RAPGEF2: variants seen among roughly 807,000 people sequenced by gnomAD.
RAPGEF2 encodes the protein PDZ domain containing guanine nucleotide exchange factor (GEF) 1.
In RAPGEF2, 54 loss-of-function variants were observed where a neutral mutation model predicts 186.7. The ratio of observed to expected loss-of-function variants is 0.29; its 90% CI spans 0.23 to 0.36. The LOEUF is 0.36. Ranked by LOEUF, RAPGEF2 falls within the 10% of genes least tolerant of loss-of-function variation. The pLI, the probability that RAPGEF2 is intolerant of heterozygous loss-of-function variation, is 1.00. For synonymous variants in RAPGEF2, 712 were observed against 705.9 expected (o/e 1.01, Z -0.14); for missense variants, 1,532 against 2,045.0 (o/e 0.75, Z 4.84).
intron 7 of RAPGEF2, among the ~76,000 whole-genome samples, chr4:159,256,701 G>C (rs1347700971): frequency 6.6e-6 from 1 of 152,166 alleles, no homozygotes; most frequent in South Asian, 2.1e-4. Context: ...AACCTCACAG[G>C]CATCTGTTGT....
chr4:159,188,869 C>T (rs1747823854), intron 2 of RAPGEF2, among the ~76,000 whole-genome samples: 2 of 152,136 alleles, frequency 1.3e-5, no homozygotes, highest in African/African-American at 4.8e-5. Flanking sequence ...TGTTTGTTGG[C>T]ATGAACCTAC....
At position 159,195,872 on chromosome 4, in the gene RAPGEF2, C is replaced by A. The variant is rs184286258; in HGVS notation, c.197+2616C>A. ...GTAGATTACAGTGTCTTCAAACATA[C>A]CTGTTTTTTTTTTTTTTTTTTTTTT... On this transcript the variant is annotated intron_variant, in intron 3 of 29. Transcript: ENST00000691494. 2.8e-3 allele frequency among the ~76,000 whole-genome samples: 335 copies of A among 121,734 alleles called. 10 individuals are homozygous for A. In the Admixed American group the frequency reaches 0.029, roughly 10 times the overall value. 79.9% of individuals were successfully genotyped at this position (121,734 alleles called of 152,430 possible). A position where few individuals can be genotyped will look rare whatever the true frequency, so the allele number is the denominator to read the frequency against.
chr4:159,206,588 C>T (rs1750016265), intron 3 of RAPGEF2, among the ~76,000 whole-genome samples: 1 of 152,124 alleles, frequency 6.6e-6, no homozygotes, highest in African/African-American at 2.4e-5. Flanking sequence ...CATGTAAAAA[C>T]CCTCCAGTGA....
At chr4:159,321,125 CA>C (rs1250450578) in intron 9 of RAPGEF2, among the ~76,000 whole-genome samples, 1 of 151,910 alleles carries the variant, frequency 6.6e-6, no homozygotes, top group East Asian at 1.9e-4. Context: ...GATGTACATA[CA>C]CCCTGTGCTC....
intron 1 of RAPGEF2, among the ~76,000 whole-genome samples, chr4:159,150,658 G>C (rs879261164): frequency 6.6e-6 from 1 of 152,240 alleles, no homozygotes; most frequent in Non-Finnish European, 1.5e-5. Flanking sequence ...CTGGAAATGT[G>C]TTTGTTGGAC....
chr4:159,261,430 A>G (rs1756864913), intron 7 of RAPGEF2, among the ~76,000 whole-genome samples: 2 of 152,344 alleles, frequency 1.3e-5, no homozygotes, highest in Admixed American at 1.3e-4. Flanking sequence ...ATTATAGGAA[A>G]GGGCTAATTA....
At position 159,341,964 on chromosome 4, in the gene RAPGEF2, T is replaced by G. The variant is rs751337062; in HGVS notation, c.2918+17T>G. ...AATCATCAGGTAAGAGAGCACATTT[T>G]TTCTTAAGATTCAGTTCAGTTCACA... On this transcript the variant is annotated intron_variant, in intron 20 of 29. Transcript: ENST00000691494. The G allele has an allele frequency of 6.4e-7, 1 of 1,554,968 alleles. No individual in the cohort carries two copies. Among genetic ancestry groups the G allele is most frequent in the Non-Finnish European group, 8.7e-7 (1 of 1,155,586 alleles).
At chr4:159,268,380 A>G (rs975388379) in intron 7 of RAPGEF2, among the ~76,000 whole-genome samples, 34 of 152,088 alleles carry the variant, frequency 2.2e-4, no homozygotes, top group African/African-American at 8.0e-4. Flanking sequence ...TGTTCTTCCA[A>G]TGTTGTAATT....
intron 2 of RAPGEF2, among the ~76,000 whole-genome samples, chr4:159,191,536 C>T (rs181825334): frequency 1.3e-5 from 2 of 152,084 alleles, no homozygotes; most frequent in African/African-American, 2.4e-5. Context: ...GTCACAAGAT[C>T]GAGACCATAC....
At chr4:159,320,423 G>A (rs1050103302) in intron 9 of RAPGEF2, among the ~76,000 whole-genome samples, 5 of 152,190 alleles carry the variant, frequency 3.3e-5, no homozygotes, top group East Asian at 1.9e-4. Flanking sequence ...GAAACAGAAC[G>A]TATTCTTTCT....
chr4:159,145,868 G>A (rs184407834), intron 1 of RAPGEF2, among the ~76,000 whole-genome samples: 20 of 152,176 alleles, frequency 1.3e-4, no homozygotes, highest in Non-Finnish European at 2.9e-4. Flanking sequence ...CAAAGATGAT[G>A]TGTAGTGGGA....
intron 7 of RAPGEF2, among the ~76,000 whole-genome samples, chr4:159,255,911 A>G (rs1033821670): frequency 6.6e-6 from 1 of 152,174 alleles, no homozygotes; most frequent in Admixed American, 6.5e-5. Context: ...TACTTCCTAT[A>G]AAATATAACC....
chr4:159,261,251 A>G (rs1756821661), intron 7 of RAPGEF2, among the ~76,000 whole-genome samples: 1 of 150,782 alleles, frequency 6.6e-6, no homozygotes, highest in East Asian at 2.0e-4. Context: ...TTTAGTAGAG[A>G]TGGGGTTTCA....
chr4:159,105,022 A>C (rs1468715709), intron 1 of RAPGEF2, among the ~76,000 whole-genome samples: 1 of 152,156 alleles, frequency 6.6e-6, no homozygotes, highest in African/African-American at 2.4e-5. Flanking sequence ...TAAGTTTGTT[A>C]ACCTTTATAC....
At chr4:159,105,537 T>TG (rs1737779624) in intron 1 of RAPGEF2, among the ~76,000 whole-genome samples, 1 of 152,244 alleles carries the variant, frequency 6.6e-6, no homozygotes, top group African/African-American at 2.4e-5. Context: ...ATCAAACGTG[T>TG]GGAAGATGGC....
At chr4:159,254,123 T>G (rs1755841748) in intron 7 of RAPGEF2, among the ~76,000 whole-genome samples, 1 of 152,216 alleles carries the variant, frequency 6.6e-6, no homozygotes, top group Non-Finnish European at 1.5e-5. Flanking sequence ...AGATATAATG[T>G]AATTAATTAT....
chr4:159,330,022 G>A lies in RAPGEF2; in HGVS notation c.1302+12G>A. 1.9e-6 allele frequency: 3 copies of A among 1,592,348 alleles called. No individual in the cohort carries two copies. Among genetic ancestry groups the A allele is most frequent in the Non-Finnish European group, 2.6e-6 (3 of 1,172,292 alleles). On this transcript the variant is annotated intron_variant, in intron 12 of 29. Transcript: ENST00000691494. ...ACATTGTCATCAAGGTAGGACACAG[G>A]ACCACTCCTTCCCAAGGAAAGGAAT... is the stretch of plus-strand genomic sequence containing the variant.
chr4:159,120,081 G>T (rs1221856342), intron 1 of RAPGEF2, among the ~76,000 whole-genome samples: 1 of 152,120 alleles, frequency 6.6e-6, no homozygotes, highest in East Asian at 1.9e-4. Context: ...GTGCAGTGGT[G>T]CAGTCTCAGC....
chr4:159,331,904 C>A (rs1021041240), intron 15 of RAPGEF2, 22 bp from the exon 16 acceptor site: 2 of 1,586,718 alleles, frequency 1.3e-6, no homozygotes, highest in South Asian at 2.3e-5. Flanking sequence ...AATTTTGATA[C>A]ATTTTATAAT....
Sources: gnomAD v4.1 joint callset for allele counts (sites outside exome capture counted in the v4.1 genomes callset) on GRCh38, gnomAD v4.1.1 for gene constraint, MANE v1.5 for transcripts, NCBI Gene and HGNC (gene_info 2026-07-23, HGNC 2026-07-21) for gene names.